The following NEBL variants were observed in gnomAD, a reference collection of about 807,000 sequenced individuals.
NEBL encodes LIM and SH3 protein 2.
Under a neutral mutation model 140.2 loss-of-function variants are expected in NEBL, and 122 were observed. The ratio of observed to expected loss-of-function variants is 0.87; its 90% CI spans 0.75 to 1.01. NEBL has a LOEUF of 1.01. Ranked by LOEUF, NEBL falls within the 50% of genes least tolerant of loss-of-function variation. NEBL has a pLI of 0.00. For missense variants in NEBL, 1,365 were observed against 1,231.3 expected (o/e 1.11, Z -1.62); for synonymous variants, 436 against 398.9 (o/e 1.09, Z -1.11).
intron 3 of NEBL, among the ~76,000 whole-genome samples, chr10:21,019,444 G>A (rs928215538): frequency 2.6e-5 from 4 of 152,296 alleles, no homozygotes; most frequent in African/African-American, 4.8e-5. Context: ...TAGTTGCTCC[G>A]TGTCTTACTA....
Position 20,783,285 on chromosome 10 carries a change from C to G in NEBL, c.*2462G>C, listed in dbSNP as rs1351103806. The stretch of plus-strand genomic sequence containing the variant: ...CCTGACAAGCTTTATTAACAACTGC[C>G]AACACTACCAAATTATGGCCTCAAG... On this transcript the variant is annotated 3_prime_UTR_variant, in exon 28 of 28. Transcript: ENST00000377122. 1 of 152,060 alleles carries G rather than the reference C, an allele frequency of 6.6e-6. No individual in the cohort carries two copies. The highest frequency in any genetic ancestry group is 1.5e-5 in the Non-Finnish European group (1 of 68,006). 9.4% of individuals were successfully genotyped at this position (152,060 alleles called of 1,614,324 possible).
chr10:21,037,822 A>AACAT (rs1392512522), intron 2 of NEBL, among the ~76,000 whole-genome samples: 2 of 91,052 alleles, frequency 2.2e-5, no homozygotes, highest in East Asian at 8.7e-4. Flanking sequence ...GAAGAGTAGA[A>AACAT]AGATAGACAA....
intron 2 of NEBL, among the ~76,000 whole-genome samples, chr10:21,163,458 C>T (rs1840636359): frequency 6.6e-6 from 1 of 152,158 alleles, no homozygotes; most frequent in African/African-American, 2.4e-5. Context: ...TCTTGCCACT[C>T]CCACGCATTG....
At chr10:21,221,752 G>T (rs188966051) in intron 3 of NEBL, among the ~76,000 whole-genome samples, 1 of 152,030 alleles carries the variant, frequency 6.6e-6, no homozygotes, top group East Asian at 1.9e-4. Context: ...TGATCCGCCC[G>T]CCTTGACCTC....
intron 2 of NEBL, among the ~76,000 whole-genome samples, chr10:21,066,224 T>C (rs1366976325): frequency 6.6e-6 from 1 of 152,224 alleles, no homozygotes; most frequent in Non-Finnish European, 1.5e-5. Flanking sequence ...CTTAAAGCTG[T>C]TCAATTTCCT....
intron 3 of NEBL, among the ~76,000 whole-genome samples, chr10:21,192,369 A>C (rs1841587490): frequency 6.6e-6 from 1 of 150,874 alleles, no homozygotes; most frequent in Admixed American, 6.6e-5. Context: ...TTTTTTTATA[A>C]TTTTAGTAGA....
At chr10:21,281,181 C>A (rs1464322830) in intron 1 of NEBL, among the ~76,000 whole-genome samples, 1 of 152,086 alleles carries the variant, frequency 6.6e-6, no homozygotes, top group Non-Finnish European at 1.5e-5. Flanking sequence ...GTGAATCCAG[C>A]CTGAGTGAGT....
chr10:21,186,818 G>A (rs988766929), intron 3 of NEBL, among the ~76,000 whole-genome samples: 8 of 151,894 alleles, frequency 5.3e-5, no homozygotes, highest in African/African-American at 1.5e-4. Context: ...GTAATAAAAC[G>A]TAAAAGCCAC....
chr10:20,818,463 T>A (rs1185042324), intron 20 of NEBL, among the ~76,000 whole-genome samples: 1 of 152,224 alleles, frequency 6.6e-6, no homozygotes, highest in Non-Finnish European at 1.5e-5. Flanking sequence ...TTAACTATTT[T>A]TGCTTTATTC....
intron 27 of NEBL, 89 bp from the exon 28 acceptor site, chr10:20,786,012 T>C: frequency 8.0e-7 from 1 of 1,252,088 alleles, no homozygotes; most frequent in Non-Finnish European, 1.2e-6. Context: ...ACACATAAAG[T>C]AACTATTAGG....
chr10:20,957,479 G>C (rs552940689), intron 4 of NEBL, among the ~76,000 whole-genome samples: 7 of 152,174 alleles, frequency 4.6e-5, no homozygotes, highest in African/African-American at 1.7e-4. Flanking sequence ...AAGGATATTT[G>C]GGAAAGCGGA....
At chr10:20,868,048 A>T (rs1173028642) in intron 7 of NEBL, 1 of 125,418 alleles carries the variant, frequency 8.0e-6, no homozygotes, top group African/African-American at 3.4e-5. Context: ...CATTTTATCT[A>T]TATTAAAAAA....
intron 1 of NEBL, among the ~76,000 whole-genome samples, chr10:21,270,143 T>C (rs1159533208): frequency 6.6e-6 from 1 of 152,182 alleles, no homozygotes; most frequent in Non-Finnish European, 1.5e-5. Flanking sequence ...GGTGGCATCA[T>C]CTGGTGGACA....
At chr10:21,238,260 G>A (rs1160221901) in intron 3 of NEBL, among the ~76,000 whole-genome samples, 1 of 152,168 alleles carries the variant, frequency 6.6e-6, no homozygotes, top group Non-Finnish European at 1.5e-5. Context: ...TCATTTCAGG[G>A]GAAAGGGTAA....
intron 3 of NEBL, among the ~76,000 whole-genome samples, chr10:21,007,398 C>A (rs1464264819): frequency 1.3e-5 from 2 of 152,128 alleles, no homozygotes; most frequent in African/African-American, 4.8e-5. Flanking sequence ...GGTTTGAAAC[C>A]AAAAATACCA....
At chr10:20,831,357 T>C (rs756945068) in intron 15 of NEBL, 51 bp from the exon 16 acceptor site, 7 of 1,525,300 alleles carry the variant, frequency 4.6e-6, no homozygotes, top group South Asian at 1.1e-5. Context: ...TTAATAGCGA[T>C]GTTGAAATTT....
chr10:21,281,068 C>T (rs1171598258), intron 1 of NEBL, among the ~76,000 whole-genome samples: 3 of 152,140 alleles, frequency 2.0e-5, no homozygotes, highest in Admixed American at 6.5e-5. Context: ...AGGCCCAACC[C>T]ACAGAGTCAT....
Position 20,812,848 on chromosome 10 carries a change from G to T in NEBL, c.2439C>A (p.Thr813=), listed in dbSNP as rs757884238. Residue 813 remains threonine (T), a synonymous_variant, in exon 24 of 28, where the codon ACC becomes ACA. Coordinates refer to ENST00000377122, the MANE Select transcript of NEBL (RefSeq NM_006393.3). The part of the protein sequence containing the change: ...DPVTERVRKN[T]QVVSDAAYKG... ...TATAGGCAGCATCGCTGACCACCTG[G>T]GTGTTCTTCCTCACTCTCTCTGTCA... is the stretch of plus-strand genomic sequence containing the variant. The T allele has an allele frequency of 6.8e-6, 11 of 1,613,810 alleles. No individual in the cohort carries two copies. The highest frequency in any genetic ancestry group is 5.0e-5 in the Admixed American group (3 of 59,990).
chr10:20,837,366 A>C (rs559971275), intron 13 of NEBL, among the ~76,000 whole-genome samples: 5 of 152,348 alleles, frequency 3.3e-5, no homozygotes, highest in Non-Finnish European at 7.3e-5. Context: ...TTCCAGACAC[A>C]ACATCCCCTT....
Sources: gnomAD v4.1 joint callset for allele counts (sites outside exome capture counted in the v4.1 genomes callset) on GRCh38, gnomAD v4.1.1 for gene constraint, MANE v1.5 for transcripts, NCBI Gene and HGNC (gene_info 2026-07-23, HGNC 2026-07-21) for gene names.